ZFP69: variants seen among roughly 807,000 people sequenced by gnomAD.
The protein encoded by ZFP69 is ZFP69 zinc finger protein.
ZFP69 carries 35 observed loss-of-function variants against 48.9 expected under a neutral mutation model. The ratio of observed to expected loss-of-function variants is 0.72; its 90% confidence interval spans 0.55 to 0.95. The LOEUF (loss-of-function observed/expected upper bound fraction) is 0.95, where lower values mean the gene tolerates loss of function less well. ZFP69 is among the 40% of genes least tolerant of loss of function. The pLI is 0.00. For synonymous variants in ZFP69, 193 were observed against 216.8 expected (o/e 0.89, Z 0.96); for missense variants, 557 against 638.4 (o/e 0.87, Z 1.37).
At chr1:40,489,407 G>A in intron 4 of ZFP69, 122 bp from the exon 5 acceptor site, 1 of 1,123,910 alleles carries the variant, frequency 8.9e-7, no homozygotes, top group South Asian at 1.4e-5. Flanking sequence ...ACATAGTTAG[G>A]ATAGAAAGAC....
At chr1:40,480,297 G>A (rs1463907411) in intron 2 of ZFP69, among the ~76,000 whole-genome samples, 2 of 149,496 alleles carry the variant, frequency 1.3e-5, no homozygotes, top group Non-Finnish European at 3.0e-5. Flanking sequence ...ATGGAGTCTC[G>A]CTGTGTCGCC....
chr1:40,483,251 A>G (rs1645461304), intron 3 of ZFP69, among the ~76,000 whole-genome samples: 1 of 81,704 alleles, frequency 1.2e-5, no homozygotes, highest in Admixed American at 1.6e-4. Flanking sequence ...TTTTTTAGAG[A>G]CTGAGTCTCA....
intron 3 of ZFP69, among the ~76,000 whole-genome samples, chr1:40,485,766 T>C (rs922102817): frequency 2.0e-5 from 3 of 152,224 alleles, no homozygotes; most frequent in Admixed American, 2.0e-4. Context: ...TTGACTGCTT[T>C]TTCTTTAAGT....
intron 5 of ZFP69, 65 bp downstream of exon 5, chr1:40,489,689 T>C (rs1033332885): frequency 2.1e-5 from 26 of 1,241,282 alleles, no homozygotes; most frequent in Non-Finnish European, 2.7e-5. Context: ...CTTCATAATT[T>C]ATAAAGAAAA....
intron 5 of ZFP69, among the ~76,000 whole-genome samples, chr1:40,492,770 A>G (rs1645581848): frequency 6.6e-6 from 1 of 152,046 alleles, no homozygotes; most frequent in South Asian, 2.1e-4. Flanking sequence ...GATATTTCCT[A>G]ATTTTTTTCA....
chr1:40,479,474 T>C lies in ZFP69; in HGVS notation c.113T>C (p.Met38Thr). The C allele has an allele frequency of 6.2e-7, 1 of 1,613,086 alleles. No individual in the cohort carries two copies. Among genetic ancestry groups the C allele is most frequent in the Non-Finnish European group, 8.5e-7 (1 of 1,179,520 alleles). The part of the protein sequence containing the change: ...GAPLWEDVTK[M>T]FEGEALLSQD... ...CCCCTGTGGGAGGATGTGACTAAAA[T>C]GTTTGAAGGAGAAGGTGAGAATGGA... The change falls in exon 2 of 6, where the codon ATG becomes ACG. Residue 38 changes from methionine (M) to threonine (T), a missense_variant. Physicochemically the swap from Met to Thr is moderately conservative, Grantham distance 81 (BLOSUM62 -1). Transcript: ENST00000372706.
At chr1:40,489,490 G>A (rs377429337) in intron 4 of ZFP69, 39 bp from the exon 5 acceptor site, 17 of 1,556,486 alleles carry the variant, frequency 1.1e-5, no homozygotes, top group Non-Finnish European at 1.5e-5. Flanking sequence ...TTAGACATCA[G>A]CATAAACATT....
In ZFP69 at chr1:40,495,820, T is replaced by G; in HGVS notation, c.1342T>G (p.Phe448Val). The change falls in exon 6 of 6, where the codon TTT becomes GTT. Residue 448 changes from phenylalanine (F) to valine (V), a missense_variant. Physicochemically the swap from Phe to Val is conservative, Grantham distance 50 (BLOSUM62 -1). Transcript: ENST00000372706. ...CAAATGTAAAGAATGTGGAAAAGCC[T>G]TTAGGCAGAGGATACACCTTAGCAA... ...PYKCKECGKA[F>V]RQRIHLSNHK... 2.5e-6 allele frequency: 4 copies of G among 1,614,188 alleles called. No homozygotes were observed. Among genetic ancestry groups the G allele is most frequent in the Non-Finnish European group, 3.4e-6 (4 of 1,180,022 alleles).
intron 5 of ZFP69, among the ~76,000 whole-genome samples, chr1:40,492,861 C>A (rs1645582826): frequency 1.3e-5 from 2 of 152,080 alleles, no homozygotes. Context: ...TTTGTTGCTA[C>A]TGTAGATGGT....
At chr1:40,483,536 C>G (rs1645464245) in intron 3 of ZFP69, among the ~76,000 whole-genome samples, 1 of 152,080 alleles carries the variant, frequency 6.6e-6, no homozygotes, top group African/African-American at 2.4e-5. Flanking sequence ...CCAAACTGTA[C>G]ACTTTCTTAG....
chr1:40,479,738 G>A (rs373633646), intron 2 of ZFP69, among the ~76,000 whole-genome samples: 2 of 152,168 alleles, frequency 1.3e-5, no homozygotes, highest in East Asian at 3.9e-4. Context: ...CAGAATACAA[G>A]GTGTTCCCCA....
At chr1:40,486,535 C>T (rs1022810923) in intron 3 of ZFP69, among the ~76,000 whole-genome samples, 19 of 146,836 alleles carry the variant, frequency 1.3e-4, no homozygotes, top group African/African-American at 4.7e-4. Flanking sequence ...CCTCCTGCCT[C>T]AGCCTCCTGA....
At chr1:40,481,951 A>G (rs1334280130) in intron 3 of ZFP69, 97 bp downstream of exon 3, 3 of 842,876 alleles carry the variant, frequency 3.6e-6, no homozygotes, top group African/African-American at 3.4e-5. Flanking sequence ...GTGGTGAGGT[A>G]GGGTATTAAG....
In ZFP69 at chr1:40,494,902, T is replaced by C. The variant is rs1645612461; in HGVS notation, c.443-19T>C. The C allele has an allele frequency of 6.3e-7, 1 of 1,588,016 alleles. No homozygotes were observed. ...CACTACAGTAATTGGTTTTTAAAGCTTTTTTTCATTTCTTTCAGACTTGAA... is the reference window on the plus strand; with the variant it reads ...CACTACAGTAATTGGTTTTTAAAGCCTTTTTTCATTTCTTTCAGACTTGAA... On this transcript the variant is annotated intron_variant, in intron 5 of 5. Coordinates refer to ENST00000372706, the MANE Select transcript of ZFP69 (RefSeq NM_001320179.2).
chr1:40,483,753 A>G (rs1645466518), intron 3 of ZFP69, among the ~76,000 whole-genome samples: 1 of 152,160 alleles, frequency 6.6e-6, no homozygotes, highest in Admixed American at 6.5e-5. Flanking sequence ...TTAGCATTTG[A>G]CCTTCTTATT....
intron 5 of ZFP69, 135 bp from the exon 6 acceptor site, chr1:40,494,786 C>A: frequency 1.7e-6 from 1 of 597,288 alleles, no homozygotes; most frequent in Non-Finnish European, 2.6e-6. Context: ...TTTCCTTTCC[C>A]ATTACCTCTC....
intron 3 of ZFP69, among the ~76,000 whole-genome samples, chr1:40,486,460 TCC>T (rs1645500034): frequency 2.4e-5 from 1 of 42,060 alleles, no homozygotes; most frequent in Admixed American, 4.8e-4. Flanking sequence ...CCTCCATCCC[TCC>T]CTCCCTCCTT....
At chr1:40,483,047 A>C (rs947808272) in intron 3 of ZFP69, among the ~76,000 whole-genome samples, 1 of 152,082 alleles carries the variant, frequency 6.6e-6, no homozygotes, top group Non-Finnish European at 1.5e-5. Flanking sequence ...TTAAAAATAG[A>C]GATCTCATTT....
At chr1:40,489,860 CTTTT>C (rs1645546102) in intron 5 of ZFP69, among the ~76,000 whole-genome samples, 2 of 124,852 alleles carry the variant, frequency 1.6e-5, no homozygotes, top group African/African-American at 3.1e-5. Context: ...GGCTCTTTTT[CTTTT>C]TCTTTTTTTT....
Sources: gnomAD v4.1 joint callset for allele counts (sites outside exome capture counted in the v4.1 genomes callset) on GRCh38, gnomAD v4.1.1 for gene constraint, MANE v1.5 for transcripts, NCBI Gene and HGNC (gene_info 2026-07-23, HGNC 2026-07-21) for gene names.